Variants in CLIC4 observed in about 807,000 individuals in gnomAD.
CLIC4 encodes CLIC family member 4.
In CLIC4, 13 loss-of-function variants were observed where a neutral mutation model predicts 24.6. The ratio of observed to expected loss-of-function variants is 0.53; its 90% confidence interval spans 0.34 to 0.84. The LOEUF (loss-of-function observed/expected upper bound fraction) is 0.84. CLIC4 is among the 40% of genes least tolerant of loss of function. The probability of loss-of-function intolerance (pLI) is 0.01; values close to 1 mark genes in which losing one functional copy is unlikely to be tolerated. For missense variants in CLIC4, 227 were observed against 301.7 expected (o/e 0.75, Z 1.83); for synonymous variants, 104 against 111.3 (o/e 0.93, Z 0.41).
intron 1 of CLIC4, among the ~76,000 whole-genome samples, chr1:24,752,105 T>C (rs1483296865): frequency 6.6e-6 from 1 of 152,186 alleles, no homozygotes; most frequent in East Asian, 1.9e-4. Context: ...GCTTGGACTC[T>C]GGAGCCACAC....
At chr1:24,798,207 AAGC>A (rs1489089698) in intron 2 of CLIC4, among the ~76,000 whole-genome samples, 4 of 152,230 alleles carry the variant, frequency 2.6e-5, no homozygotes, top group Non-Finnish European at 5.9e-5. Flanking sequence ...CAAATGTGTT[AAGC>A]ATGTGATCTT....
intron 2 of CLIC4, among the ~76,000 whole-genome samples, chr1:24,801,295 G>T (rs1049108606): frequency 2.6e-5 from 4 of 152,164 alleles, no homozygotes; most frequent in Non-Finnish European, 4.4e-5. Flanking sequence ...AAACTTGTCT[G>T]GGGAGGCCTC....
rs199862185 is a variant in CLIC4, at chr1:24,812,729, C to CT, written c.183-1357dup. 7.8e-4 allele frequency among the ~76,000 whole-genome samples: 119 copies of CT among 151,816 alleles called. 2 individuals carry two copies. The East Asian group carries it at 0.017, about 21-fold the overall frequency. On this transcript the variant is annotated intron_variant, in intron 2 of 5. Coordinates refer to ENST00000374379, the MANE Select transcript of CLIC4 (RefSeq NM_013943.3). ...TCTAGTGGAAAAGTACTATTTCTTTCTTTTTTTTGAGACAGAGTATTGCTC... is the reference window on the plus strand; with the variant it reads ...TCTAGTGGAAAAGTACTATTTCTTTCTTTTTTTTTGAGACAGAGTATTGCTC...
intron 2 of CLIC4, among the ~76,000 whole-genome samples, chr1:24,802,366 A>G (rs1161956990): frequency 3.3e-5 from 5 of 152,186 alleles, no homozygotes; most frequent in African/African-American, 9.6e-5. Context: ...GTGTAAGTGT[A>G]TATGTTAAGT....
chr1:24,757,892 C>A (rs146401522), intron 1 of CLIC4, among the ~76,000 whole-genome samples: 173 of 152,074 alleles, frequency 1.1e-3, no homozygotes, highest in African/African-American at 4.0e-3. Context: ...CTCAGCCTTC[C>A]AAGTAGCTGG....
At chr1:24,768,613 T>C (rs994295626) in intron 1 of CLIC4, among the ~76,000 whole-genome samples, 1 of 152,162 alleles carries the variant, frequency 6.6e-6, no homozygotes, top group Non-Finnish European at 1.5e-5. Flanking sequence ...ATGATAAAGC[T>C]TAAAACATTA....
intron 1 of CLIC4, among the ~76,000 whole-genome samples, chr1:24,796,200 T>C (rs1436250642): frequency 6.6e-6 from 1 of 152,220 alleles, no homozygotes; most frequent in East Asian, 1.9e-4. Context: ...TTTTTATTTT[T>C]ATTTTTTGAG....
intron 3 of CLIC4, among the ~76,000 whole-genome samples, chr1:24,820,866 T>TA (rs1473621808): frequency 6.6e-6 from 1 of 152,178 alleles, no homozygotes; most frequent in Non-Finnish European, 1.5e-5. Flanking sequence ...CATATTCTCT[T>TA]ACATCCTTCA....
chr1:24,798,003 T>C, intron 2 of CLIC4, 152 bp downstream of exon 2: 2 of 595,550 alleles, frequency 3.4e-6, no homozygotes, highest in Non-Finnish European at 5.8e-6. Flanking sequence ...TATAACTATT[T>C]TGGACAAGTC....
intron 1 of CLIC4, among the ~76,000 whole-genome samples, chr1:24,791,646 C>T (rs184848990): frequency 3.5e-4 from 53 of 152,030 alleles, no homozygotes; most frequent in Admixed American, 9.8e-4. Context: ...GAGGCCGAGG[C>T]GGGTGGATCA....
chr1:24,827,396 G>A (rs1639797399), intron 4 of CLIC4, among the ~76,000 whole-genome samples: 1 of 152,190 alleles, frequency 6.6e-6, no homozygotes, highest in Non-Finnish European at 1.5e-5. Context: ...AGAAGTTACT[G>A]TGAAGGGAGC....
chr1:24,756,909 T>G (rs1638859407), intron 1 of CLIC4, among the ~76,000 whole-genome samples: 1 of 151,536 alleles, frequency 6.6e-6, no homozygotes, highest in Admixed American at 6.6e-5. Context: ...ATGTTTTTTT[T>G]TTTGAGACGG....
At chr1:24,782,027 G>C (rs1179249266) in intron 1 of CLIC4, among the ~76,000 whole-genome samples, 1 of 152,150 alleles carries the variant, frequency 6.6e-6, no homozygotes, top group Non-Finnish European at 1.5e-5. Flanking sequence ...TTAGGTAATT[G>C]ATCATAATTT....
rs1368362256 is a variant in CLIC4 at position 24,841,659 on chromosome 1, T to G, written c.*722T>G. The G allele has an allele frequency of 6.6e-6, 1 of 152,344 alleles. No homozygotes were observed. The highest frequency in any genetic ancestry group is 1.5e-5 in the Non-Finnish European group (1 of 68,034). The allele number at this position is 152,344 out of a possible 1,614,324, so 9.4% of individuals were successfully genotyped here. On this transcript the variant is annotated 3_prime_UTR_variant, in exon 6 of 6. Transcript: ENST00000374379. ...GTTTTCTCAAGACCTTCCTCAAGCA[T>G]TTTATCTTTAGAAGAGAAACTGATG...
intron 3 of CLIC4, among the ~76,000 whole-genome samples, chr1:24,820,617 T>TG (rs1639720445): frequency 6.6e-6 from 1 of 152,172 alleles, no homozygotes; most frequent in Non-Finnish European, 1.5e-5. Context: ...TTTGCCAACT[T>TG]GCTCTCAGAC....
At chr1:24,805,096 A>AAC (rs1553192961) in intron 2 of CLIC4, among the ~76,000 whole-genome samples, 4 of 143,136 alleles carry the variant, frequency 2.8e-5, no homozygotes, top group Non-Finnish European at 4.6e-5. Context: ...CAAAAAAAAA[A>AAC]AAAAAAAAAC....
chr1:24,832,221 T>G (rs1333044223), intron 4 of CLIC4, among the ~76,000 whole-genome samples: 1 of 1,586 alleles, frequency 6.3e-4, no homozygotes, highest in African/African-American at 7.0e-4. Flanking sequence ...TTTTTATTTT[T>G]TATTTTTTTT....
chr1:24,840,433 A>G (rs1054068038), intron 5 of CLIC4, among the ~76,000 whole-genome samples: 1 of 152,238 alleles, frequency 6.6e-6, no homozygotes, highest in Non-Finnish European at 1.5e-5. Context: ...ATAGAATAAT[A>G]ATAAGCGCTA....
chr1:24,795,718 C>T (rs1297946435), intron 1 of CLIC4, among the ~76,000 whole-genome samples: 6 of 152,060 alleles, frequency 3.9e-5, no homozygotes, highest in South Asian at 4.2e-4. Flanking sequence ...TATAGGCATG[C>T]GCCACAACGC....
Sources: gnomAD v4.1 joint callset for allele counts (sites outside exome capture counted in the v4.1 genomes callset) on GRCh38, gnomAD v4.1.1 for gene constraint, MANE v1.5 for transcripts, NCBI Gene and HGNC (gene_info 2026-07-23, HGNC 2026-07-21) for gene names.